The following GFPT1 variants were observed in gnomAD, a reference collection of about 807,000 sequenced individuals.
The protein encoded by GFPT1 is glutamine--fructose-6-phosphate transaminase 1.
A neutral mutation model predicts 92.0 loss-of-function variants in GFPT1; 40 were observed. That is an observed-to-expected ratio of 0.43 (90% CI 0.34 to 0.57). The LOEUF (loss-of-function observed/expected upper bound fraction) is 0.57, where lower values mean the gene tolerates loss of function less well. Among genes scored for constraint, GFPT1 ranks in the 20% least tolerant of loss-of-function variants. The pLI, the probability that GFPT1 is intolerant of heterozygous loss-of-function variation, is 0.02. For synonymous variants in GFPT1, 269 were observed against 280.6 expected (o/e 0.96, Z 0.41); for missense variants, 448 against 869.1 (o/e 0.52, Z 6.09).
chr2:69,366,028 G>A (rs978170399), intron 3 of GFPT1, among the ~76,000 whole-genome samples: 1 of 151,522 alleles, frequency 6.6e-6, no homozygotes, highest in Admixed American at 6.6e-5. Flanking sequence ...TGGCCAGGCT[G>A]GTCTCGAACT....
At chr2:69,352,635 A>AAAAAAG (rs1671238055) in intron 9 of GFPT1, among the ~76,000 whole-genome samples, 1 of 151,376 alleles carries the variant, frequency 6.6e-6, no homozygotes, top group African/African-American at 2.4e-5. Context: ...AAAAAAAAAA[A>AAAAAAG]AACAACTACT....
chr2:69,362,577 C>T (rs570201197), intron 4 of GFPT1, among the ~76,000 whole-genome samples: 45 of 152,158 alleles, frequency 3.0e-4, no homozygotes, highest in African/African-American at 1.1e-3. Context: ...GTGGGCGGAT[C>T]ACAAGGTCAG....
intron 10 of GFPT1, among the ~76,000 whole-genome samples, chr2:69,349,031 C>A (rs1671149419): frequency 6.6e-6 from 1 of 152,126 alleles, no homozygotes; most frequent in African/African-American, 2.4e-5. Context: ...CTAATTAACT[C>A]CTAATCTCTC....
intron 11 of GFPT1, among the ~76,000 whole-genome samples, chr2:69,347,664 G>C (rs555585799): frequency 2.6e-5 from 4 of 151,984 alleles, no homozygotes; most frequent in Non-Finnish European, 5.9e-5. Flanking sequence ...TTTTAGTACA[G>C]TCGGGGTTTC....
At chr2:69,379,503 TTAAGA>T (rs1671955724) in intron 1 of GFPT1, among the ~76,000 whole-genome samples, 1 of 152,104 alleles carries the variant, frequency 6.6e-6, no homozygotes, top group African/African-American at 2.4e-5. Flanking sequence ...CATTCTACAT[TTAAGA>T]TTTCTTTAAA....
At chr2:69,368,426 A>T (rs893230664) in intron 3 of GFPT1, among the ~76,000 whole-genome samples, 2 of 151,988 alleles carry the variant, frequency 1.3e-5, no homozygotes, top group Non-Finnish European at 2.9e-5. Flanking sequence ...AGATAACTAC[A>T]CTTCAAAAAC....
chr2:69,359,132 C>G (rs933151555), intron 5 of GFPT1, 136 bp downstream of exon 5: 2 of 679,256 alleles, frequency 2.9e-6, no homozygotes, highest in Non-Finnish European at 5.5e-6. Context: ...CAATAAACCA[C>G]CGTGCCCTTG....
intron 13 of GFPT1, among the ~76,000 whole-genome samples, chr2:69,341,835 A>G (rs949471001): frequency 6.6e-6 from 1 of 152,172 alleles, no homozygotes; most frequent in African/African-American, 2.4e-5. Context: ...AAACCCAACG[A>G]TGGCTCTTAC....
At chr2:69,351,358 T>C (rs1307133417) in intron 9 of GFPT1, among the ~76,000 whole-genome samples, 1 of 152,200 alleles carries the variant, frequency 6.6e-6, no homozygotes, top group African/African-American at 2.4e-5. Context: ...TACATAAATG[T>C]CCTAGAGACA....
chr2:69,377,206 T>G (rs1302326313), intron 1 of GFPT1, among the ~76,000 whole-genome samples: 1 of 29,752 alleles, frequency 3.4e-5, no homozygotes, highest in Non-Finnish European at 5.4e-5. Flanking sequence ...AGACTCCGTC[T>G]CAAAAAAAAA....
intron 1 of GFPT1, among the ~76,000 whole-genome samples, chr2:69,384,160 C>T (rs1370506980): frequency 3.9e-5 from 6 of 152,062 alleles, no homozygotes; most frequent in African/African-American, 1.2e-4. Context: ...ATTCTCAATG[C>T]TTATTATTAA....
Position 69,362,879 on chromosome 2 carries a change from T to C in GFPT1, c.349+666A>G, listed in dbSNP as rs576678879. ...GCACAACTGCATGGAGAAAGACTAT[T>C]CCAAGTAACTCTAAAACACAGTAAT... On this transcript the variant is annotated intron_variant, in intron 4 of 19. Coordinates refer to ENST00000357308, the MANE Select transcript of GFPT1 (RefSeq NM_001244710.2). Among the ~76,000 whole-genome samples the C allele has an allele frequency of 4.6e-5, 7 of 152,222 alleles. No homozygotes were observed. In the East Asian group the frequency reaches 1.4e-3, roughly 29 times the overall value.
At chr2:69,344,759 T>C (rs1199890605) in intron 12 of GFPT1, among the ~76,000 whole-genome samples, 3 of 151,584 alleles carry the variant, frequency 2.0e-5, no homozygotes, top group African/African-American at 7.3e-5. Flanking sequence ...TCCTCCCACC[T>C]CAGGCTCTTC....
chr2:69,342,068 T>G, intron 13 of GFPT1, 84 bp downstream of exon 13: 1 of 761,052 alleles, frequency 1.3e-6, no homozygotes, highest in Non-Finnish European at 2.2e-6. Flanking sequence ...AAACATAGTT[T>G]TACACAGTAT....
intron 1 of GFPT1, among the ~76,000 whole-genome samples, chr2:69,374,315 TTTTC>T (rs2104688869): frequency 1.2e-5 from 1 of 85,678 alleles, no homozygotes; most frequent in African/African-American, 7.3e-5. Flanking sequence ...ATTTATAATT[TTTTC>T]TTTTTTTTTT....
intron 10 of GFPT1, among the ~76,000 whole-genome samples, 198 bp from the exon 11 acceptor site, chr2:69,348,532 G>C (rs1671136307): frequency 6.6e-6 from 1 of 152,140 alleles, no homozygotes. Context: ...AAAATAAAAG[G>C]AACTCTGCAT....
At chr2:69,337,022 T>C (rs1670816487) in intron 15 of GFPT1, among the ~76,000 whole-genome samples, 1 of 151,316 alleles carries the variant, frequency 6.6e-6, no homozygotes, top group Non-Finnish European at 1.5e-5. Flanking sequence ...TGTCATACAA[T>C]ACTCATTAAA....
intron 15 of GFPT1, among the ~76,000 whole-genome samples, chr2:69,337,312 G>A (rs903736255): frequency 6.6e-6 from 1 of 151,954 alleles, no homozygotes; most frequent in African/African-American, 2.4e-5. Context: ...TGATCCGCCC[G>A]CCTCAGCCTC....
chr2:69,346,059 A>G, intron 11 of GFPT1, 60 bp from the exon 12 acceptor site: 1 of 966,518 alleles, frequency 1.0e-6, no homozygotes, highest in Non-Finnish European at 1.7e-6. Context: ...GAATTTGTAC[A>G]CAACTAAAAG....
Sources: gnomAD v4.1 joint callset for allele counts (sites outside exome capture counted in the v4.1 genomes callset) on GRCh38, gnomAD v4.1.1 for gene constraint, MANE v1.5 for transcripts, NCBI Gene and HGNC (gene_info 2026-07-23, HGNC 2026-07-21) for gene names.